The following SUMF1 variants were observed in gnomAD, a reference collection of about 807,000 sequenced individuals.
SUMF1 encodes formylglycine-generating enzyme.
A neutral mutation model predicts 47.6 loss-of-function variants in SUMF1; 48 were observed. The ratio of observed to expected loss-of-function variants is 1.01; its 90% CI spans 0.80 to 1.28. The LOEUF (loss-of-function observed/expected upper bound fraction) is 1.28. SUMF1 is among the 50% of genes most tolerant of loss of function. The pLI is 0.00. For missense variants in SUMF1, 571 were observed against 485.4 expected (o/e 1.18, Z -1.66); for synonymous variants, 230 against 192.1 (o/e 1.20, Z -1.63).
At chr3:4,419,964 A>C (rs1219420388) in intron 4 of SUMF1, 100 bp downstream of exon 4, 13 of 932,256 alleles carry the variant, frequency 1.4e-5, no homozygotes, top group Non-Finnish European at 2.3e-5. Context: ...CATTCTTATC[A>C]TTTTATAGAT....
At chr3:4,121,839 G>C (rs9822571) in intron 8 of SUMF1, among the ~76,000 whole-genome samples, 5,556 of 152,116 alleles carry the variant, frequency 0.037, 161 homozygotes, top group African/African-American at 0.071. Context: ...ATGCCCATTA[G>C]TTATTTTTCC....
chr3:4,056,346 G>A (rs1337034380), intron 9 of SUMF1, among the ~76,000 whole-genome samples: 1 of 152,056 alleles, frequency 6.6e-6, no homozygotes, highest in Non-Finnish European at 1.5e-5. Flanking sequence ...CATACAGTAT[G>A]AAATAAATCC....
At chr3:4,138,717 T>C (rs982427177) in intron 8 of SUMF1, among the ~76,000 whole-genome samples, 1 of 152,106 alleles carries the variant, frequency 6.6e-6, no homozygotes, top group Non-Finnish European at 1.5e-5. Context: ...CTTCACTTTA[T>C]GCAACTTTTC....
intron 8 of SUMF1, among the ~76,000 whole-genome samples, chr3:4,306,240 G>A (rs1184675742): frequency 6.6e-6 from 1 of 152,064 alleles, no homozygotes; most frequent in East Asian, 1.9e-4. Flanking sequence ...AAAACTATGT[G>A]CCCGACGTAT....
intron 9 of SUMF1, among the ~76,000 whole-genome samples, chr3:4,053,396 A>T (rs1380766568): frequency 6.6e-6 from 1 of 152,254 alleles, no homozygotes; most frequent in Non-Finnish European, 1.5e-5. Flanking sequence ...TATTGTGAAA[A>T]TTTTTCACAT....
chr3:4,332,401 A>C (rs552903526), intron 8 of SUMF1, among the ~76,000 whole-genome samples: 2 of 152,346 alleles, frequency 1.3e-5, no homozygotes, highest in South Asian at 4.1e-4. Context: ...TTATATCTCA[A>C]AGCACAGAGC....
intron 8 of SUMF1, among the ~76,000 whole-genome samples, chr3:4,325,816 A>AATTGT (rs1288213575): frequency 3.3e-5 from 5 of 152,132 alleles, no homozygotes; most frequent in Non-Finnish European, 7.4e-5. Context: ...AGTCCAAATA[A>AATTGT]ATTGTAGACA....
intron 8 of SUMF1, among the ~76,000 whole-genome samples, chr3:4,157,245 G>C (rs78023994): frequency 6.6e-6 from 1 of 151,378 alleles, no homozygotes; most frequent in Admixed American, 6.6e-5. Context: ...TCACTGCTGG[G>C]CCAGTTTTTT....
chr3:4,466,324 C>G lies in SUMF1; in HGVS notation c.270+652G>C, dbSNP rs187207695. ...ACGGGGTTTCGCCATGTTGGCCAGG[C>G]TGGTCTCGAACTCCTGACCTCGTGA... On this transcript the variant is annotated intron_variant, in intron 1 of 8. Transcript: ENST00000272902. Among the ~76,000 whole-genome samples, 1,519 of 152,166 alleles carry G rather than the reference C, an allele frequency of 1.0e-2. 24 individuals are homozygous for G. Among genetic ancestry groups the G allele is most frequent in the African/African-American group, 0.031 (1,274 of 41,524 alleles).
chr3:4,442,324 C>G (rs1305959830), intron 3 of SUMF1, among the ~76,000 whole-genome samples: 1 of 150,580 alleles, frequency 6.6e-6, no homozygotes, highest in Non-Finnish European at 1.5e-5. Context: ...GGCGCGATCT[C>G]GGCTCACTGC....
At chr3:4,218,082 C>G (rs1393717700) in intron 8 of SUMF1, among the ~76,000 whole-genome samples, 1 of 151,838 alleles carries the variant, frequency 6.6e-6, no homozygotes, top group Admixed American at 6.6e-5. Context: ...TTCTCAGAGG[C>G]TTTAACTGTA....
rs1044186734 is a variant in SUMF1 at position 4,154,617 on chromosome 3, G to A, written c.1015-85872C>T. 2.0e-4 allele frequency among the ~76,000 whole-genome samples: 13 copies of A among 64,098 alleles called. 1 individual carries two copies. Among genetic ancestry groups the A allele is most frequent in the African/African-American group, 5.6e-4 (9 of 15,934 alleles). 42.1% of individuals were successfully genotyped at this position (64,098 alleles called of 152,430 possible). On this transcript the variant is annotated intron_variant and NMD_transcript_variant, in intron 8 of 12. Transcript: ENST00000448413. ...TAACTGAAACAGAATTCAACCTCTC[G>A]TTGATCTGTCCCCCAAACCTGGGCT...
At chr3:4,388,055 G>A (rs1700730942) in intron 7 of SUMF1, among the ~76,000 whole-genome samples, 1 of 152,054 alleles carries the variant, frequency 6.6e-6, no homozygotes, top group South Asian at 2.1e-4. Context: ...TTATAGGGTA[G>A]ACAGTGCTAG....
At chr3:4,360,205 C>CTTTTTTTTTTTTTTTT (rs57690047), downstream of SUMF1, among the ~76,000 whole-genome samples, 2 of 104,140 alleles carry the variant, frequency 1.9e-5, 1 homozygote, top group African/African-American at 6.9e-5. Flanking sequence ...AATGTTTGTT[C>CTTTTTTTTTTTTTTTT]TTTTTTTTTT....
At chr3:4,354,557 G>A (rs1196874807) in intron 8 of SUMF1, among the ~76,000 whole-genome samples, 5 of 152,184 alleles carry the variant, frequency 3.3e-5, no homozygotes, top group African/African-American at 9.7e-5. Flanking sequence ...GGGACAGACC[G>A]ACCGCGCAGG....
chr3:4,375,771 TA>T lies in SUMF1; in HGVS notation c.1014+558del, dbSNP rs553078301. On this transcript the variant is annotated intron_variant, in intron 8 of 8. Coordinates refer to ENST00000272902, the MANE Select transcript of SUMF1 (RefSeq NM_182760.4). ...TTCCAAATTCCTTATAAAGGTTATT[TA>T]GGAAACACCAAGTCACTCTAACTGA... 3.3e-3 allele frequency among the ~76,000 whole-genome samples: 502 copies of T among 152,276 alleles called. 1 individual carries two copies. The highest frequency in any genetic ancestry group is 7.9e-3 in the South Asian group (38 of 4,830).
chr3:4,400,832 T>C (rs1234583880), intron 7 of SUMF1, among the ~76,000 whole-genome samples: 1 of 152,244 alleles, frequency 6.6e-6, no homozygotes, highest in Non-Finnish European at 1.5e-5. Flanking sequence ...ATTTTTATTA[T>C]ACTTTAAGTT....
intron 9 of SUMF1, among the ~76,000 whole-genome samples, chr3:4,065,906 T>C (rs1695364337): frequency 1.3e-5 from 2 of 152,108 alleles, no homozygotes; most frequent in African/African-American, 2.4e-5. Context: ...CCAACCCTTG[T>C]GATATGACAG....
intron 8 of SUMF1, among the ~76,000 whole-genome samples, chr3:4,299,011 A>G (rs1697912662): frequency 6.6e-6 from 1 of 152,218 alleles, no homozygotes; most frequent in African/African-American, 2.4e-5. Context: ...TACCAGTTCT[A>G]AAGATCCATA....
Sources: gnomAD v4.1 joint callset for allele counts (sites outside exome capture counted in the v4.1 genomes callset) on GRCh38, gnomAD v4.1.1 for gene constraint, MANE v1.5 for transcripts, NCBI Gene and HGNC (gene_info 2026-07-23, HGNC 2026-07-21) for gene names.